LRRC71: variants seen among roughly 807,000 people sequenced by gnomAD.
LRRC71 encodes the protein leucine rich repeat containing 71.
Under a neutral mutation model 66.6 loss-of-function variants are expected in LRRC71, and 54 were observed. That is an observed-to-expected ratio of 0.81 (90% CI 0.65 to 1.02). LRRC71 has a LOEUF of 1.02. Ranked by LOEUF, LRRC71 falls within the 50% of genes least tolerant of loss-of-function variation. The probability of loss-of-function intolerance (pLI) is 0.00; values close to 1 mark genes in which losing one functional copy is unlikely to be tolerated. For missense variants in LRRC71, 724 were observed against 718.0 expected (o/e 1.01, Z -0.10); for synonymous variants, 323 against 303.9 (o/e 1.06, Z -0.65).
At chr1:156,935,007 G>A (rs1571090247), downstream of LRRC71, 1 of 150,346 alleles carries the variant, frequency 6.7e-6, no homozygotes, top group East Asian at 1.9e-4. Flanking sequence ...AGCACAGTGT[G>A]TATATTCTAT....
chr1:156,938,616 G>T, the LRRC71 span: 4 of 1,082,998 alleles, frequency 3.7e-6, no homozygotes, highest in Admixed American at 8.0e-5. Flanking sequence ...GGGGACAGGG[G>T]GAGGAGAAAA....
At chr1:156,931,292 C>A (rs761706682) in intron 12 of LRRC71, among the ~76,000 whole-genome samples, 1 of 152,158 alleles carries the variant, frequency 6.6e-6, no homozygotes, top group Non-Finnish European at 1.5e-5. Context: ...CAGGGAAGGG[C>A]CCCTCTCCTT....
intron 6 of LRRC71, 109 bp downstream of exon 6, chr1:156,927,379 A>C (rs1653364537): frequency 6.6e-7 from 1 of 1,525,974 alleles, no homozygotes; most frequent in Non-Finnish European, 8.9e-7. Context: ...AGGGCCCTCG[A>C]TTTCTGCCCC....
At chr1:156,939,211 G>A in the LRRC71 span, 62 of 319,978 alleles carry the variant, frequency 1.9e-4, no homozygotes, top group Middle Eastern at 2.1e-3. Context: ...GGGAACAGGA[G>A]ATCAGTGAGG....
chr1:156,935,840 G>A, downstream of LRRC71: 1 of 775,902 alleles, frequency 1.3e-6, no homozygotes, highest in Non-Finnish European at 2.0e-6. Context: ...AGCAGACCAA[G>A]CAACATGCGG....
the LRRC71 span, chr1:156,939,692 C>T: frequency 3.1e-6 from 5 of 1,614,114 alleles, no homozygotes; most frequent in Non-Finnish European, 4.2e-6. Context: ...CCCATGTCTT[C>T]CTGCTCTGGC....
the LRRC71 span, chr1:156,938,439 C>T: frequency 3.1e-6 from 5 of 1,613,846 alleles, no homozygotes; most frequent in East Asian, 8.9e-5. Context: ...GTTCCGCCTT[C>T]CACTTCAGGT....
intron 9 of LRRC71, 63 bp downstream of exon 9, chr1:156,928,067 A>C: frequency 6.8e-7 from 1 of 1,460,754 alleles, no homozygotes; most frequent in Non-Finnish European, 9.4e-7. Flanking sequence ...CCCACTCCCC[A>C]AGTCCGCTGC....
At chr1:156,940,562 C>T in the LRRC71 span, 3 of 700,216 alleles carry the variant, frequency 4.3e-6, no homozygotes, top group Non-Finnish European at 6.7e-6. Flanking sequence ...TTCCCATGGC[C>T]AGCACTGTCC....
chr1:156,931,970 C>T lies in LRRC71; in HGVS notation c.1384C>T (p.Arg462Ter), dbSNP rs375125616. The stretch of plus-strand genomic sequence containing the variant: ...CCCTCTCCTGGAGCCTGTGGAGCAC[C>T]GAGATGGGAAAGTTTTCATGCCTGG... ...VNPLLEPVEH[R>*]DGKVFMPGNK... Residue 462 changes from arginine (R) to a stop codon, truncating the protein, a stop_gained, in exon 13 of 15, where the codon CGA (arginine) becomes TGA (stop). Coordinates refer to ENST00000337428, the MANE Select transcript of LRRC71 (RefSeq NM_144702.3). LOFTEE classifies it high-confidence loss of function. 38 of 1,601,360 alleles carry T rather than the reference C, an allele frequency of 2.4e-5. No individual in the cohort carries two copies. Among genetic ancestry groups the T allele is most frequent in the African/African-American group, 4.0e-5 (3 of 74,718 alleles).
At chr1:156,926,869 C>G (rs1653288084) in intron 5 of LRRC71, among the ~76,000 whole-genome samples, 1 of 152,116 alleles carries the variant, frequency 6.6e-6, no homozygotes, top group Non-Finnish European at 1.5e-5. Context: ...AGCCACTGTG[C>G]CTGGCCAGAA....
the LRRC71 span, chr1:156,939,247 A>C: frequency 2.6e-6 from 1 of 383,112 alleles, no homozygotes. Context: ...TGGTACTGGT[A>C]GTTGGTTTGT....
rs566050671 is a variant in LRRC71 at position 156,924,166 on chromosome 1, C to A, written c.310+68C>A. On this transcript the variant is annotated intron_variant, in intron 2 of 14. Coordinates refer to ENST00000337428, the MANE Select transcript of LRRC71 (RefSeq NM_144702.3). ...AGTCCATCCTCAGCCTCCCTTCCCA[C>A]GCCGGGCCAAATGGAGGGACGCGGG... 5.3e-6 allele frequency: 8 copies of A among 1,501,778 alleles called. No homozygotes were observed. In the East Asian group the frequency reaches 1.5e-4, roughly 28 times the overall value. 93.0% of individuals were successfully genotyped at this position (1,501,778 alleles called of 1,614,324 possible).
Position 156,927,528 on chromosome 1 carries a change from TCGA to T in LRRC71, c.700_702del (p.Asp234del). On this transcript the variant is annotated inframe_deletion, in exon 7 of 15. Coordinates refer to ENST00000337428, the MANE Select transcript of LRRC71 (RefSeq NM_144702.3). ...CACTTGTCTCTGCGGAACAATAACA[TCGA>T]CGACCGCGGGGCGCAACTCCTGGGC... The T allele has an allele frequency of 1.9e-6, 3 of 1,549,296 alleles. No individual in the cohort carries two copies. Among genetic ancestry groups the T allele is most frequent in the Non-Finnish European group, 2.6e-6 (3 of 1,149,174 alleles).
At chr1:156,937,056 C>T, downstream of LRRC71, 2 of 1,593,314 alleles carry the variant, frequency 1.3e-6, no homozygotes, top group Non-Finnish European at 1.7e-6. Flanking sequence ...ATTCCTAAGG[C>T]CCCTGGGGAA....
chr1:156,937,453 T>C (rs1334762178), downstream of LRRC71: 3 of 1,552,746 alleles, frequency 1.9e-6, no homozygotes, highest in Admixed American at 2.0e-5. Context: ...GGTCGGTGCT[T>C]GAGTCCGGGG....
intron 2 of LRRC71, 90 bp downstream of exon 2, chr1:156,924,188 C>A (rs1652827207): frequency 5.6e-6 from 8 of 1,422,528 alleles, no homozygotes; most frequent in Non-Finnish European, 6.7e-6. Context: ...TGGAGGGACG[C>A]GGGGCGGTGT....
chr1:156,923,062 G>A (rs1652623211), intron 1 of LRRC71, among the ~76,000 whole-genome samples: 1 of 152,192 alleles, frequency 6.6e-6, no homozygotes, highest in South Asian at 2.1e-4. Flanking sequence ...TGCCTCTCAT[G>A]CCTTTCCCCA....
rs755253025 is a variant in LRRC71 at position 156,928,312 on chromosome 1, ACTTCTT to A, written c.996+318_996+323del. ...GTAACCTTGGGCATGTTACTAAACA[ACTTCTT>A]CTTCTTCTTTCTTTTTTCTTTCTTC... On this transcript the variant is annotated intron_variant, in intron 9 of 14. Transcript: ENST00000337428. Among the ~76,000 whole-genome samples, 87 of 146,912 alleles carry A rather than the reference ACTTCTT, an allele frequency of 5.9e-4. 1 individual carries two copies. The highest frequency in any genetic ancestry group is 3.5e-3 in the Middle Eastern group (1 of 284).
Sources: gnomAD v4.1 joint callset for allele counts (sites outside exome capture counted in the v4.1 genomes callset) on GRCh38, gnomAD v4.1.1 for gene constraint, MANE v1.5 for transcripts, NCBI Gene and HGNC (gene_info 2026-07-23, HGNC 2026-07-21) for gene names.